MPP4: variants seen among roughly 807,000 people sequenced by gnomAD.
The protein encoded by MPP4 is MAGUK p55 scaffold protein 4, also known as MAGUK p55 subfamily member 4.
In MPP4, 91 loss-of-function variants were observed where a neutral mutation model predicts 98.3. That is an observed-to-expected ratio of 0.93 (90% CI 0.78 to 1.10). The LOEUF is 1.10. Ranked by LOEUF, MPP4 falls within the 50% of genes least tolerant of loss-of-function variation. MPP4 has a pLI of 0.00. For synonymous variants in MPP4, 261 were observed against 271.8 expected (o/e 0.96, Z 0.39); for missense variants, 744 against 792.9 (o/e 0.94, Z 0.74).
intron 18 of MPP4, 169 bp from the exon 19 acceptor site, chr2:201,650,334 C>A (rs1296056334): frequency 1.0e-6 from 1 of 985,344 alleles, no homozygotes; most frequent in African/African-American, 1.7e-5. Flanking sequence ...GTTCTCGTAT[C>A]AAAATCAGTT....
chr2:201,680,677 G>T, intron 10 of MPP4, 161 bp downstream of exon 10: 1 of 620,034 alleles, frequency 1.6e-6, no homozygotes, highest in African/African-American at 1.8e-5. Flanking sequence ...AGATGCTTAG[G>T]GTTTATCGAT....
chr2:201,654,483 GT>G (rs1169334580), intron 18 of MPP4, among the ~76,000 whole-genome samples: 1 of 152,168 alleles, frequency 6.6e-6, no homozygotes, highest in African/African-American at 2.4e-5. Context: ...GGTAGGGGGA[GT>G]GGGGAGGGAT....
chr2:201,694,529 G>GTTGTT (rs1271211284), intron 1 of MPP4, among the ~76,000 whole-genome samples: 42 of 147,172 alleles, frequency 2.9e-4, no homozygotes, highest in Middle Eastern at 3.5e-3. Flanking sequence ...GTAACGATCT[G>GTTGTT]TTGTTTTGTT....
chr2:201,669,663 T>G, intron 12 of MPP4, 70 bp downstream of exon 12: 2 of 1,139,668 alleles, frequency 1.8e-6, no homozygotes, highest in Non-Finnish European at 2.4e-6. Context: ...TTAAAGTGAA[T>G]TCTTTAAACT....
intron 8 of MPP4, among the ~76,000 whole-genome samples, chr2:201,682,402 G>T (rs1406502261): frequency 1.3e-5 from 2 of 152,192 alleles, no homozygotes; most frequent in African/African-American, 4.8e-5. Context: ...CTATAAGAAA[G>T]GCTGCCCTCC....
intron 14 of MPP4, chr2:201,661,710 G>A (rs960798309): frequency 2.3e-6 from 1 of 442,716 alleles, no homozygotes; most frequent in Non-Finnish European, 4.6e-6. Context: ...CCATTTTAGA[G>A]GTGAGGAACC....
At chr2:201,675,994 C>T (rs1431677060) in intron 10 of MPP4, among the ~76,000 whole-genome samples, 1 of 152,210 alleles carries the variant, frequency 6.6e-6, no homozygotes, top group Non-Finnish European at 1.5e-5. Context: ...TCAGTCTCCA[C>T]CCCAAGCCTT....
chr2:201,671,441 A>G (rs113278533), intron 11 of MPP4, among the ~76,000 whole-genome samples: 391 of 152,332 alleles, frequency 2.6e-3, no homozygotes, highest in African/African-American at 8.3e-3. Context: ...ACCCCAATTA[A>G]AAGACACAGA....
intron 18 of MPP4, among the ~76,000 whole-genome samples, chr2:201,653,009 A>T (rs1687758198): frequency 6.6e-6 from 1 of 152,156 alleles, no homozygotes; most frequent in South Asian, 2.1e-4. Flanking sequence ...GTCCATTCCT[A>T]TTCCAGTTTG....
In MPP4 at chr2:201,669,045, A is replaced by T. The variant is rs530796645; in HGVS notation, c.1012+688T>A. Among the ~76,000 whole-genome samples, 13 of 151,260 alleles carry T rather than the reference A, an allele frequency of 8.6e-5. No individual in the cohort carries two copies. The East Asian group carries it at 2.5e-3, about 30-fold the overall frequency. On this transcript the variant is annotated intron_variant, in intron 12 of 21. Transcript: ENST00000409474. ...TGAACTGTGGTTGGTGGCTAAGGGG[A>T]CACCTCTTTTTTCCTCTTTCTGGAA...
At chr2:201,667,381 C>T (rs1035886178) in intron 12 of MPP4, among the ~76,000 whole-genome samples, 3 of 152,188 alleles carry the variant, frequency 2.0e-5, no homozygotes, top group African/African-American at 7.2e-5. Context: ...CTTCCTACTA[C>T]CTTGAACTGT....
At chr2:201,688,254 A>G (rs1688897083) in intron 4 of MPP4, among the ~76,000 whole-genome samples, 1 of 152,170 alleles carries the variant, frequency 6.6e-6, no homozygotes, top group South Asian at 2.1e-4. Flanking sequence ...TGTGCTAGGA[A>G]CTGTTTTAGG....
Position 201,657,596 on chromosome 2 carries a change from TTTTTGTTTTTTTG to T in MPP4, c.1129+868_1129+880del, listed in dbSNP as rs1255449373. Among the ~76,000 whole-genome samples, 6 of 116,866 alleles carry T rather than the reference TTTTTGTTTTTTTG, an allele frequency of 5.1e-5. 2 individuals carry two copies. Among genetic ancestry groups the T allele is most frequent in the East Asian group, 2.3e-4 (1 of 4,422 alleles). 76.7% of individuals were successfully genotyped at this position (116,866 alleles called of 152,430 possible). On this transcript the variant is annotated intron_variant, in intron 16 of 21. Transcript: ENST00000409474. Reference sequence around the variant, plus strand: ...AGTGAGAACCCTGGCCCTTGTTTTTTTTTTGTTTTTTTGTTTTTTTTTGCTTATTGTATCAATC... The same window carrying T: ...AGTGAGAACCCTGGCCCTTGTTTTTTTTTTTTTTTGCTTATTGTATCAATC...
Position 201,675,252 on chromosome 2 carries a change from ACCAGAATTC to A in MPP4, c.940_948del (p.Glu314_Trp316del). On this transcript the variant is annotated inframe_deletion, in exon 11 of 22. Coordinates refer to ENST00000409474, the MANE Select transcript of MPP4 (RefSeq NM_033066.3). ...GTGTGAGGCTGGTACGGCTGAGACC[ACCAGAATTC>A]CCGTTGCTTCCTATGGGGGGGAAAA... The A allele has an allele frequency of 6.2e-7, 1 of 1,609,342 alleles. No homozygotes were observed. Among genetic ancestry groups the A allele is most frequent in the Non-Finnish European group, 8.5e-7 (1 of 1,178,056 alleles).
chr2:201,680,917 C>T lies in MPP4; in HGVS notation c.850G>A (p.Ala284Thr), dbSNP rs1478076328. ...DILQIVDQND[A>T]LWWQARKISD... is the part of the protein sequence containing the mutation. ...ATTTTTCGGGCCTGCCACCAGAGGGCATCATTCTGGTCCACAATCTGGAGG... is the reference window on the plus strand; with the variant it reads ...ATTTTTCGGGCCTGCCACCAGAGGGTATCATTCTGGTCCACAATCTGGAGG... The change falls in exon 10 of 22, where the codon GCC becomes ACC. Residue 284 changes from alanine to threonine, a missense_variant. Transcript: ENST00000409474. 1 of 1,613,764 alleles carries T rather than the reference C, an allele frequency of 6.2e-7. No homozygotes were observed. The highest frequency in any genetic ancestry group is 1.7e-5 in the Admixed American group (1 of 60,004).
At chr2:201,682,573 A>G (rs1475022412) in intron 8 of MPP4, among the ~76,000 whole-genome samples, 1 of 152,164 alleles carries the variant, frequency 6.6e-6, no homozygotes, top group Non-Finnish European at 1.5e-5. Flanking sequence ...GGGCCCTGGC[A>G]GTCTTCCCGT....
chr2:201,681,093 C>T (rs1254125603), intron 9 of MPP4, 59 bp from the exon 10 acceptor site: 1 of 1,544,190 alleles, frequency 6.5e-7, no homozygotes, highest in Admixed American at 1.8e-5. Flanking sequence ...ATCCGAAGAA[C>T]CCTTGCCCAT....
chr2:201,685,489 A>G (rs1251975358), intron 6 of MPP4, among the ~76,000 whole-genome samples: 1 of 152,260 alleles, frequency 6.6e-6, no homozygotes, highest in Admixed American at 6.5e-5. Context: ...ATCCAAAGAT[A>G]CAGAAACCTC....
At position 201,658,467 on chromosome 2, in the gene MPP4, T is replaced by C; in HGVS notation, c.1129+10A>G. The C allele has an allele frequency of 2.5e-6, 4 of 1,610,576 alleles. No homozygotes were observed. In the South Asian group the frequency reaches 4.4e-5, roughly 18 times the overall value. Reference sequence around the variant, plus strand: ...GACAGAGACCCACCTCTTGTTAATTTATCACCTACCTATAAAGAACTTCTG... The same window carrying C: ...GACAGAGACCCACCTCTTGTTAATTCATCACCTACCTATAAAGAACTTCTG... On this transcript the variant is annotated intron_variant, in intron 16 of 21. Coordinates refer to ENST00000409474, the MANE Select transcript of MPP4 (RefSeq NM_033066.3).
Sources: gnomAD v4.1 joint callset for allele counts (sites outside exome capture counted in the v4.1 genomes callset) on GRCh38, gnomAD v4.1.1 for gene constraint, MANE v1.5 for transcripts, NCBI Gene and HGNC (gene_info 2026-07-23, HGNC 2026-07-21) for gene names.